Variants in PLEKHH2 observed in about 807,000 individuals in gnomAD.
PLEKHH2 encodes pleckstrin homology domain-containing family H member 2.
In PLEKHH2, 129 loss-of-function variants were observed where a neutral mutation model predicts 187.9. That is an observed-to-expected ratio of 0.69 (90% CI 0.59 to 0.79). The LOEUF is 0.79. Among genes scored for constraint, PLEKHH2 ranks in the 30% least tolerant of loss-of-function variants. The pLI, the probability that PLEKHH2 is intolerant of heterozygous loss-of-function variation, is 0.00. For missense variants in PLEKHH2, 2,076 were observed against 1,751.2 expected (o/e 1.19, Z -3.31); for synonymous variants, 686 against 605.6 (o/e 1.13, Z -1.95).
chr2:43,699,511 G>C, intron 7 of PLEKHH2, 136 bp from the exon 8 acceptor site: 1 of 1,051,562 alleles, frequency 9.5e-7, no homozygotes, highest in African/African-American at 1.6e-5. Context: ...CCAAGTAGCT[G>C]GGACTACAGG....
intron 20 of PLEKHH2, among the ~76,000 whole-genome samples, chr2:43,738,845 C>T (rs901617808): frequency 4.6e-5 from 7 of 152,074 alleles, no homozygotes; most frequent in Admixed American, 1.3e-4. Context: ...ACATTAAGTA[C>T]GATACATTTC....
intron 15 of PLEKHH2, among the ~76,000 whole-genome samples, chr2:43,715,095 T>C (rs1670150052): frequency 6.6e-6 from 1 of 151,786 alleles, no homozygotes; most frequent in Admixed American, 6.6e-5. Flanking sequence ...CTGACCAACA[T>C]GGTGAAAACC....
chr2:43,692,520 G>A lies in PLEKHH2; in HGVS notation c.193G>A (p.Val65Ile), dbSNP rs374398961. The A allele has an allele frequency of 5.1e-6, 8 of 1,570,184 alleles. No individual in the cohort carries two copies. The highest frequency in any genetic ancestry group is 7.0e-6 in the Non-Finnish European group (8 of 1,145,338). Residue 65 changes from valine (V) to isoleucine (I), a missense_variant, in exon 4 of 30, where the codon GTT (valine) becomes ATT (isoleucine). Val to Ile is a conservative substitution (Grantham distance 29, BLOSUM62 3). Coordinates refer to ENST00000282406, the MANE Select transcript of PLEKHH2 (RefSeq NM_172069.4). Reference protein sequence around the residue: ...QAEKAFQQVQVMEDKLKAANI... With the variant: ...QAEKAFQQVQIMEDKLKAANI... Reference sequence around the variant, plus strand: ...TTTTATCCTTTGAATTTAGGTACAAGTTATGGAAGATAAATTAAAAGCAGC... The same window carrying A: ...TTTTATCCTTTGAATTTAGGTACAAATTATGGAAGATAAATTAAAAGCAGC...
rs899864372 is a variant in PLEKHH2, at chr2:43,692,530, A to G, written c.203A>G (p.Asp68Gly). Residue 68 changes from aspartate (D) to glycine (G), a missense_variant, in exon 4 of 30, where the codon GAT (aspartate) becomes GGT (glycine). Physicochemically the swap from Asp to Gly is moderately conservative, Grantham distance 94 (BLOSUM62 -1). Transcript: ENST00000282406. ...KAFQQVQVME[D>G]KLKAANIQTS... ...TGAATTTAGGTACAAGTTATGGAAGATAAATTAAAAGCAGCTAATATTCAA... is the reference window on the plus strand; with the variant it reads ...TGAATTTAGGTACAAGTTATGGAAGGTAAATTAAAAGCAGCTAATATTCAA... 1.3e-6 allele frequency: 2 copies of G among 1,575,998 alleles called. No homozygotes were observed. The highest frequency in any genetic ancestry group is 8.7e-7 in the Non-Finnish European group (1 of 1,150,278).
At chr2:43,750,985 C>A in intron 24 of PLEKHH2, among the ~76,000 whole-genome samples, 1 of 152,314 alleles carries the variant, frequency 6.6e-6, no homozygotes, top group Middle Eastern at 3.4e-3. Context: ...TGGAGACAGG[C>A]TGCCTGGGTT....
intron 3 of PLEKHH2, 32 bp from the exon 4 acceptor site, chr2:43,692,482 C>T (rs757864872): frequency 6.6e-7 from 1 of 1,513,574 alleles, no homozygotes; most frequent in Non-Finnish European, 9.0e-7. Context: ...TGAGTACACA[C>T]ACAATTTTAA....
intron 3 of PLEKHH2, among the ~76,000 whole-genome samples, chr2:43,679,306 C>G (rs1212462572): frequency 6.6e-6 from 1 of 151,930 alleles, no homozygotes; most frequent in Admixed American, 6.6e-5. Context: ...TCTATCAACT[C>G]CATGAAATAT....
At position 43,706,404 on chromosome 2, in the gene PLEKHH2, A is replaced by C. The variant is rs147147346; in HGVS notation, c.1809A>C (p.Thr603=). Residue 603 remains threonine (T), a synonymous_variant, in exon 10 of 30, where the codon ACA becomes ACC. Coordinates refer to ENST00000282406, the MANE Select transcript of PLEKHH2 (RefSeq NM_172069.4). ...IYKNMTTPVY[T]TLKGKATQIS... ...AGAACATGACCACCCCAGTGTATACAACTTTGAAGGGGGTAACTCATTATT... is the reference window on the plus strand; with the variant it reads ...AGAACATGACCACCCCAGTGTATACCACTTTGAAGGGGGTAACTCATTATT... The C allele has an allele frequency of 5.9e-5, 94 of 1,583,562 alleles. No individual in the cohort carries two copies. The African/African-American group carries it at 1.2e-3, about 20-fold the overall frequency.
chr2:43,681,710 C>A (rs1668200918), intron 3 of PLEKHH2: 1 of 523,718 alleles, frequency 1.9e-6, no homozygotes, highest in Non-Finnish European at 3.4e-6. Flanking sequence ...GAGGGCCAGG[C>A]AAGGGAGCTC....
At chr2:43,705,761 A>G (rs1975136) in intron 9 of PLEKHH2, among the ~76,000 whole-genome samples, 8,148 of 151,930 alleles carry the variant, frequency 0.054, 312 homozygotes, top group Non-Finnish European at 0.086. Context: ...AACTGAGATT[A>G]CAGGTGTATG....
chr2:43,765,190 G>A (rs1198916623), intron 29 of PLEKHH2, among the ~76,000 whole-genome samples: 2 of 152,146 alleles, frequency 1.3e-5, no homozygotes, highest in East Asian at 1.9e-4. Context: ...CAATTTGATT[G>A]TTTTTGAGAT....
chr2:43,643,239 G>T (rs555196218), intron 1 of PLEKHH2, among the ~76,000 whole-genome samples: 1 of 152,082 alleles, frequency 6.6e-6, no homozygotes, highest in African/African-American at 2.4e-5. Context: ...GAAACAATGG[G>T]GCAAGGATTC....
At chr2:43,711,939 C>A in intron 14 of PLEKHH2, 2 of 1,086,260 alleles carry the variant, frequency 1.8e-6, no homozygotes, top group Non-Finnish European at 2.3e-6. Flanking sequence ...CACATTTAAG[C>A]AAGAAAGGGA....
At chr2:43,711,207 A>G (rs989041736) in intron 14 of PLEKHH2, 51 of 985,406 alleles carry the variant, frequency 5.2e-5, no homozygotes, top group South Asian at 2.3e-4. Flanking sequence ...TTCAATAACC[A>G]TTATTTTCTT....
chr2:43,655,167 G>C (rs1666690584), intron 2 of PLEKHH2, among the ~76,000 whole-genome samples: 2 of 151,658 alleles, frequency 1.3e-5, no homozygotes, highest in Admixed American at 6.6e-5. Flanking sequence ...AATGATGCCT[G>C]GGCTAAAAAA....
rs547764166 is a variant in PLEKHH2, at chr2:43,726,412, A to G, written c.2682A>G (p.Gln894=). The G allele has an allele frequency of 6.2e-7, 1 of 1,612,022 alleles. No individual in the cohort carries two copies. The highest frequency in any genetic ancestry group is 2.2e-5 in the East Asian group (1 of 44,838). Reference sequence around the variant, plus strand: ...CTATCGTTATCCATCCCAAAGACCAAGGTCCAACTTACCTCCTAATTGGAT... The same window carrying G: ...CTATCGTTATCCATCCCAAAGACCAGGGTCCAACTTACCTCCTAATTGGAT... ...HYTIVIHPKD[Q]GPTYLLIGSK... is the part of the protein sequence containing the mutation. Residue 894 remains glutamine, a synonymous_variant, in exon 17 of 30, where the codon CAA becomes CAG. Coordinates refer to ENST00000282406, the MANE Select transcript of PLEKHH2 (RefSeq NM_172069.4).
chr2:43,681,419 T>A (rs1668177280), intron 3 of PLEKHH2: 3 of 1,548,706 alleles, frequency 1.9e-6, no homozygotes, highest in Admixed American at 1.9e-5. Flanking sequence ...TTTGTTTTAT[T>A]AATTGAATGA....
chr2:43,719,897 G>A (rs146113399), intron 15 of PLEKHH2, among the ~76,000 whole-genome samples: 189 of 151,988 alleles, frequency 1.2e-3, no homozygotes, highest in African/African-American at 4.5e-3. Context: ...TCTGTTACAT[G>A]CATTGACATT....
intron 27 of PLEKHH2, among the ~76,000 whole-genome samples, chr2:43,761,690 C>T (rs1672435301): frequency 2.0e-5 from 3 of 151,960 alleles, no homozygotes; most frequent in African/African-American, 7.3e-5. Flanking sequence ...GGATTACAGG[C>T]GAGAGCCACA....
Sources: gnomAD v4.1 joint callset for allele counts (sites outside exome capture counted in the v4.1 genomes callset) on GRCh38, gnomAD v4.1.1 for gene constraint, MANE v1.5 for transcripts, NCBI Gene and HGNC (gene_info 2026-07-23, HGNC 2026-07-21) for gene names.